Variants in LPIN1 observed in about 807,000 individuals in gnomAD.
LPIN1 encodes the protein lipin 1.
In LPIN1, 71 loss-of-function variants were observed where a neutral mutation model predicts 107.5. That is an observed-to-expected ratio of 0.66 (90% CI 0.55 to 0.80). LPIN1 has a LOEUF of 0.80. Ranked by LOEUF, LPIN1 falls within the 30% of genes least tolerant of loss-of-function variation. LPIN1 has a pLI of 0.00. For missense variants in LPIN1, 1,043 were observed against 1,160.6 expected, an observed-to-expected ratio of 0.90 and a Z score of 1.47; for synonymous variants, 445 against 452.6, an observed-to-expected ratio of 0.98 and a Z score of 0.21.
intron 2 of LPIN1, 103 bp from the exon 3 acceptor site, chr2:11,767,660 T>G: frequency 1.3e-6 from 1 of 767,782 alleles, no homozygotes; most frequent in Non-Finnish European, 2.4e-6. Context: ...CACTTCAGGG[T>G]GTATGCGATG....
chr2:11,688,419 T>C (rs1037448754), intron 1 of LPIN1, among the ~76,000 whole-genome samples: 1 of 152,194 alleles, frequency 6.6e-6, no homozygotes, highest in Non-Finnish European at 1.5e-5. Context: ...GGAGTAACAG[T>C]CTTCAGACTT....
At chr2:11,788,241 AG>A (rs1158735782) in intron 11 of LPIN1, 145 bp from the exon 12 acceptor site, 1 of 661,450 alleles carries the variant, frequency 1.5e-6, no homozygotes. Context: ...GGTGATATGG[AG>A]GAGGGCTGGG....
At chr2:11,823,347 C>G (rs1681890413) in intron 20 of LPIN1, among the ~76,000 whole-genome samples, 1 of 152,204 alleles carries the variant, frequency 6.6e-6, no homozygotes, top group Admixed American at 6.5e-5. Context: ...GCCGCAGCCA[C>G]AAACCTCAGA....
chr2:11,694,891 C>T (rs1287490264), intron 1 of LPIN1, among the ~76,000 whole-genome samples: 1 of 152,168 alleles, frequency 6.6e-6, no homozygotes, highest in Non-Finnish European at 1.5e-5. Context: ...AGTATTACAG[C>T]CGAGGTTCTC....
chr2:11,753,840 A>C (rs1316277702), intron 1 of LPIN1, among the ~76,000 whole-genome samples: 1 of 152,170 alleles, frequency 6.6e-6, no homozygotes, highest in Non-Finnish European at 1.5e-5. Flanking sequence ...CACTTCCTAG[A>C]AGCTTTTTGT....
chr2:11,768,287 CG>C (rs777852862), intron 3 of LPIN1, among the ~76,000 whole-genome samples: 5 of 152,188 alleles, frequency 3.3e-5, no homozygotes, highest in Non-Finnish European at 5.9e-5. Context: ...CAAGTGTACA[CG>C]TAGTGGTTTT....
chr2:11,783,764 G>T, intron 8 of LPIN1, 65 bp from the exon 9 acceptor site: 1 of 1,332,732 alleles, frequency 7.5e-7, no homozygotes, highest in Non-Finnish European at 1.1e-6. Context: ...TGTTTCTATA[G>T]ATACAAGGCC....
At chr2:11,731,309 T>C (rs1665186305) in intron 1 of LPIN1, among the ~76,000 whole-genome samples, 1 of 152,076 alleles carries the variant, frequency 6.6e-6, no homozygotes, top group African/African-American at 2.4e-5. Context: ...CTCCCACTTA[T>C]GAGTGAGAAC....
intron 16 of LPIN1, 92 bp downstream of exon 16, chr2:11,804,663 G>A: frequency 1.5e-6 from 2 of 1,369,058 alleles, no homozygotes; most frequent in Non-Finnish European, 2.1e-6. Context: ...CTCTCCTCAT[G>A]GGACTTGCAC....
rs535981382 is a variant in LPIN1, at chr2:11,702,160, G to A, written c.82-11596G>A. 4.3e-4 allele frequency among the ~76,000 whole-genome samples: 66 copies of A among 152,220 alleles called. 2 individuals are homozygous for A. The highest frequency in any genetic ancestry group is 8.1e-4 in the Non-Finnish European group (55 of 68,040). ...ACGTCACACAAGGCCACATGGGGAA[G>A]CACTGGGTTGGTCACGAGGCAGAGA... On this transcript the variant is annotated intron_variant, in intron 1 of 21. Transcript: ENST00000449576.
chr2:11,685,974 G>A (rs1408377310), intron 1 of LPIN1, among the ~76,000 whole-genome samples: 2 of 152,162 alleles, frequency 1.3e-5, no homozygotes, highest in Non-Finnish European at 2.9e-5. Context: ...CCAATGTCCA[G>A]TGACCCTTCC....
chr2:11,779,632 C>T lies in LPIN1; in HGVS notation c.944C>T (p.Pro315Leu). ...ATGCTTTGGCTGTGGGGAGAGCTGC[C>T]GCAGGCTGCTAAGGTGAGAGTCTCT... is the stretch of plus-strand genomic sequence containing the variant. ...PEMLWLWGEL[P>L]QAAKSSSPHK... The change falls in exon 7 of 21, where the codon CCG (proline) becomes CTG (leucine). Residue 315 changes from proline (P) to leucine (L), a missense_variant. Pro to Leu is a moderately conservative substitution (Grantham distance 98). Transcript: ENST00000674199. 2 of 1,614,052 alleles carry T rather than the reference C, an allele frequency of 1.2e-6. No homozygotes were observed. Among genetic ancestry groups the T allele is most frequent in the Non-Finnish European group, 1.7e-6 (2 of 1,179,976 alleles).
intron 1 of LPIN1, among the ~76,000 whole-genome samples, chr2:11,740,631 C>A (rs1666245334): frequency 7.1e-6 from 1 of 141,352 alleles, no homozygotes; most frequent in Non-Finnish European, 1.5e-5. Context: ...TTGCAGTGAG[C>A]CAAGATCACC....
At chr2:11,696,957 A>G (rs562142424) in intron 1 of LPIN1, among the ~76,000 whole-genome samples, 189 of 152,176 alleles carry the variant, frequency 1.2e-3, no homozygotes, top group African/African-American at 4.3e-3. Flanking sequence ...TCTTCTTTAG[A>G]GTGGTTCTGC....
At chr2:11,790,370 C>T (rs62114961) in intron 12 of LPIN1, among the ~76,000 whole-genome samples, 14,418 of 152,226 alleles carry the variant, frequency 0.095, 899 homozygotes, top group Middle Eastern at 0.16. Flanking sequence ...AGGTGACTGC[C>T]GTACACATCG....
At chr2:11,763,964 A>AGTGTGTGTGTGTGTGTGT (rs143711712) in intron 1 of LPIN1, among the ~76,000 whole-genome samples, 27 of 134,072 alleles carry the variant, frequency 2.0e-4, no homozygotes, top group African/African-American at 6.9e-4. Context: ...CATATATTTT[A>AGTGTGTGTGTGTGTGTGT]GTGTGTGTGT....
At chr2:11,685,638 T>G (rs1309473702) in intron 1 of LPIN1, among the ~76,000 whole-genome samples, 1 of 152,222 alleles carries the variant, frequency 6.6e-6, no homozygotes, top group East Asian at 1.9e-4. Context: ...TGCATCCTTT[T>G]GTTTTAGAGA....
intron 20 of LPIN1, among the ~76,000 whole-genome samples, chr2:11,823,453 T>C (rs1238106187): frequency 6.6e-6 from 1 of 152,246 alleles, no homozygotes; most frequent in African/African-American, 2.4e-5. Context: ...TTAGGAGACG[T>C]CACTTTCCCA....
At chr2:11,738,473 C>G (rs192712367) in intron 1 of LPIN1, among the ~76,000 whole-genome samples, 4 of 151,994 alleles carry the variant, frequency 2.6e-5, no homozygotes. Context: ...GAGCCAGCAC[C>G]GCTGCTGGGG....
Sources: gnomAD v4.1 joint callset for allele counts (sites outside exome capture counted in the v4.1 genomes callset) on GRCh38, gnomAD v4.1.1 for gene constraint, MANE v1.5 for transcripts, NCBI Gene and HGNC (gene_info 2026-07-23, HGNC 2026-07-21) for gene names.